TENM2: variants seen among roughly 807,000 people sequenced by gnomAD.
The protein encoded by TENM2 is teneurin-2.
Under a neutral mutation model 245.2 loss-of-function variants are expected in TENM2, and 52 were observed. That is an observed-to-expected ratio of 0.21 (90% CI 0.17 to 0.27). The LOEUF (loss-of-function observed/expected upper bound fraction) is 0.27, where lower values mean the gene tolerates loss of function less well. Ranked by LOEUF, TENM2 falls within the 10% of genes least tolerant of loss-of-function variation. The pLI, the probability that TENM2 is intolerant of heterozygous loss-of-function variation, is 1.00. For synonymous variants in TENM2, 1,363 were observed against 1,438.9 expected (o/e 0.95, Z 1.19); for missense variants, 3,046 against 3,666.8 (o/e 0.83, Z 4.37).
At chr5:167,490,943 T>C (rs1380048116) in intron 2 of TENM2, among the ~76,000 whole-genome samples, 1 of 152,178 alleles carries the variant, frequency 6.6e-6, no homozygotes, top group Non-Finnish European at 1.5e-5. Context: ...GCTCTGTATG[T>C]TGACTTCATT....
chr5:167,983,272 C>T (rs1782981130), intron 4 of TENM2, among the ~76,000 whole-genome samples: 1 of 151,930 alleles, frequency 6.6e-6, no homozygotes, highest in Non-Finnish European at 1.5e-5. Flanking sequence ...CCTCGAGAGA[C>T]CTTGCCTGTC....
chr5:167,696,242 G>GA (rs145114172), intron 2 of TENM2, among the ~76,000 whole-genome samples: 1,838 of 152,072 alleles, frequency 0.012, 38 homozygotes, highest in African/African-American at 0.04. Flanking sequence ...CTGTAGTTCT[G>GA]AAAAAAGTAG....
intron 2 of TENM2, among the ~76,000 whole-genome samples, chr5:167,387,404 C>A (rs1761503378): frequency 6.6e-6 from 1 of 152,082 alleles, no homozygotes; most frequent in Non-Finnish European, 1.5e-5. Context: ...TGGATCAGTT[C>A]TAGGAGCTTT....
chr5:167,611,258 CA>C (rs1290913014), intron 2 of TENM2, among the ~76,000 whole-genome samples: 2 of 151,950 alleles, frequency 1.3e-5, no homozygotes, highest in Non-Finnish European at 2.9e-5. Flanking sequence ...TCTTTAATAC[CA>C]GGTTTCCTTT....
chr5:168,011,601 T>C (rs1176841436), intron 5 of TENM2, among the ~76,000 whole-genome samples: 1 of 152,208 alleles, frequency 6.6e-6, no homozygotes, highest in Non-Finnish European at 1.5e-5. Context: ...CCTGTATAGC[T>C]CATCTTTGGC....
chr5:167,390,065 T>C (rs1581915927), intron 2 of TENM2, among the ~76,000 whole-genome samples: 1 of 152,228 alleles, frequency 6.6e-6, no homozygotes, highest in East Asian at 1.9e-4. Flanking sequence ...TTATTGTTTA[T>C]ACAAATGCTT....
At position 167,920,343 on chromosome 5, in the gene TENM2, AAAAAAAAG is replaced by A. The variant is rs1561935507; in HGVS notation, c.713-32237_713-32230del. Among the ~76,000 whole-genome samples, 4 of 150,950 alleles carry A rather than the reference AAAAAAAAG, an allele frequency of 2.6e-5. No homozygotes were observed. The East Asian group carries it at 7.7e-4, about 29-fold the overall frequency. ...CCTGTCTCTACTTAAAAAAAAAAGAAAAAAAAAGAAAAAAAAAATCAAAAGTTAGCTGG... is the reference window on the plus strand; with the variant it reads ...CCTGTCTCTACTTAAAAAAAAAAGAAAAAAAAAAAATCAAAAGTTAGCTGG... On this transcript the variant is annotated intron_variant, in intron 3 of 28. Transcript: ENST00000518659.
intron 2 of TENM2, among the ~76,000 whole-genome samples, chr5:167,650,559 A>C (rs1754387843): frequency 6.6e-6 from 1 of 152,216 alleles, no homozygotes; most frequent in African/African-American, 2.4e-5. Flanking sequence ...TGCTGAAACA[A>C]AATGAAGTCA....
chr5:167,622,380 T>G (rs894337721), intron 2 of TENM2, among the ~76,000 whole-genome samples: 2 of 152,134 alleles, frequency 1.3e-5, no homozygotes, highest in Non-Finnish European at 2.9e-5. Flanking sequence ...CCAACTTTTT[T>G]AAAAGAAGAA....
At chr5:167,584,037 T>A (rs1775300906) in intron 2 of TENM2, among the ~76,000 whole-genome samples, 1 of 152,224 alleles carries the variant, frequency 6.6e-6, no homozygotes, top group Admixed American at 6.5e-5. Flanking sequence ...GCACTCACCT[T>A]ATTGTAACAG....
At chr5:168,023,540 C>T (rs1339795094) in intron 5 of TENM2, among the ~76,000 whole-genome samples, 2 of 152,130 alleles carry the variant, frequency 1.3e-5, no homozygotes, top group African/African-American at 4.8e-5. Flanking sequence ...TCAGTCATGG[C>T]CGGGGTCCAG....
chr5:167,442,285 ATATTT>A (rs1243615752), intron 2 of TENM2, among the ~76,000 whole-genome samples: 1 of 152,210 alleles, frequency 6.6e-6, no homozygotes, highest in African/African-American at 2.4e-5. Flanking sequence ...ACATAAATGA[ATATTT>A]TATTCAACCA....
rs377760846 is a variant in TENM2, at chr5:167,353,547, G to C, written c.227-21651G>C. ...TTTTGAGACGGAGTCTCGCTCTGTC[G>C]CCCAGGCTGGAGTGCAGTGGCGGGA... On this transcript the variant is annotated intron_variant, in intron 1 of 28. Transcript: ENST00000518659. Among the ~76,000 whole-genome samples the C allele has an allele frequency of 2.7e-3, 293 of 109,774 alleles. 1 individual carries two copies. Among genetic ancestry groups the C allele is most frequent in the African/African-American group, 9.6e-3 (274 of 28,492 alleles). The allele number at this position is 109,774 out of a possible 152,430, so 72.0% of individuals were successfully genotyped here. A position where few individuals can be genotyped will look rare whatever the true frequency, so the allele number is the denominator to read the frequency against.
At chr5:167,435,068 C>G (rs879369579) in intron 2 of TENM2, among the ~76,000 whole-genome samples, 1 of 152,120 alleles carries the variant, frequency 6.6e-6, no homozygotes, top group African/African-American at 2.4e-5. Flanking sequence ...TTCTATACCT[C>G]ATTTATGGAT....
At chr5:168,035,547 G>C (rs1262277106) in intron 5 of TENM2, among the ~76,000 whole-genome samples, 1 of 151,020 alleles carries the variant, frequency 6.6e-6, no homozygotes, top group Non-Finnish European at 1.5e-5. Context: ...TATTTCTATT[G>C]GACAGTGCTG....
rs541073824 is a variant in TENM2 at position 167,501,559 on chromosome 5, TCCCTGTC to T, written c.502+126090_502+126096del. On this transcript the variant is annotated intron_variant, in intron 2 of 28. Coordinates refer to ENST00000518659, the Ensembl canonical transcript of TENM2. ...TGATGGATCTGTACTGACTTCTCCC[TCCCTGTC>T]CCCATTCCCCAAATCCTTCTTTTAT... is the stretch of plus-strand genomic sequence containing the variant. 5.1e-3 allele frequency among the ~76,000 whole-genome samples: 778 copies of T among 152,286 alleles called. 4 individuals carry two copies. The highest frequency in any genetic ancestry group is 8.7e-3 in the Non-Finnish European group (592 of 68,018).
At chr5:167,840,051 C>T (rs1769360356) in intron 2 of TENM2, among the ~76,000 whole-genome samples, 1 of 152,202 alleles carries the variant, frequency 6.6e-6, no homozygotes, top group South Asian at 2.1e-4. Flanking sequence ...AAACTTCTGA[C>T]TTCAGGTGAT....
At chr5:168,062,670 G>A (rs1481250101) in intron 7 of TENM2, among the ~76,000 whole-genome samples, 2 of 152,140 alleles carry the variant, frequency 1.3e-5, no homozygotes, top group African/African-American at 4.8e-5. Context: ...ATCCGATATA[G>A]CCGTACCATT....
At chr5:168,047,686 TTCATAGGTGCCCCCA>T (rs1261642524) in intron 6 of TENM2, 137 bp downstream of exon 8, 1 of 1,057,074 alleles carries the variant, frequency 9.5e-7, no homozygotes, top group African/African-American at 1.6e-5. Flanking sequence ...ATCATTGCCT[TTCATAGGTGCCCCCA>T]TTAAAAGCTG....
Sources: gnomAD v4.1 joint callset for allele counts (sites outside exome capture counted in the v4.1 genomes callset) on GRCh38, gnomAD v4.1.1 for gene constraint, MANE v1.5 for transcripts, NCBI Gene and HGNC (gene_info 2026-07-23, HGNC 2026-07-21) for gene names.